Variants in RASEF observed in about 807,000 individuals in gnomAD.
RASEF encodes the protein ras and EF-hand domain-containing protein.
Under a neutral mutation model 90.1 loss-of-function variants are expected in RASEF, and 68 were observed. The ratio of observed to expected loss-of-function variants is 0.75; its 90% CI spans 0.62 to 0.92. RASEF has a LOEUF of 0.92. Ranked by LOEUF, RASEF falls within the 40% of genes least tolerant of loss-of-function variation. The pLI, the probability that RASEF is intolerant of heterozygous loss-of-function variation, is 0.00. For missense variants in RASEF, 949 were observed against 937.2 expected, an observed-to-expected ratio of 1.01 and a Z score of -0.16; for synonymous variants, 331 against 345.2, an observed-to-expected ratio of 0.96 and a Z score of 0.46.
the RASEF span, among the ~76,000 whole-genome samples, chr9:83,172,800 A>G: frequency 6.6e-6 from 1 of 151,920 alleles, no homozygotes; most frequent in African/African-American, 2.4e-5. Context: ...ATACATCACT[A>G]TTGTGGCATT....
chr9:83,211,276 T>C, the RASEF span, among the ~76,000 whole-genome samples: 1 of 152,204 alleles, frequency 6.6e-6, no homozygotes, highest in African/African-American at 2.4e-5. Context: ...TTATGGGTTT[T>C]TTTTTCTTTT....
chr9:83,030,140 T>A (rs917403912), intron 1 of RASEF, among the ~76,000 whole-genome samples: 2 of 152,168 alleles, frequency 1.3e-5, no homozygotes, highest in Admixed American at 6.5e-5. Context: ...GTAGATCACC[T>A]GAGGTCAGGA....
chr9:83,175,950 C>A, the RASEF span, among the ~76,000 whole-genome samples: 9 of 152,176 alleles, frequency 5.9e-5, no homozygotes, highest in African/African-American at 2.2e-4. Context: ...GAAATTTTTA[C>A]ATCTGCACTT....
At chr9:83,134,176 T>C in the RASEF span, among the ~76,000 whole-genome samples, 3 of 152,096 alleles carry the variant, frequency 2.0e-5, no homozygotes, top group African/African-American at 7.2e-5. Context: ...TTCTGATCCC[T>C]CTTCTCTCCC....
intron 2 of RASEF, among the ~76,000 whole-genome samples, chr9:83,023,657 G>C (rs997275386): frequency 1.3e-5 from 2 of 152,148 alleles, no homozygotes; most frequent in Admixed American, 6.5e-5. Context: ...ACCAAGCTTG[G>C]GAAGTCAGTT....
chr9:83,136,575 C>T, the RASEF span, among the ~76,000 whole-genome samples: 1 of 152,074 alleles, frequency 6.6e-6, no homozygotes, highest in East Asian at 1.9e-4. Flanking sequence ...AAATATGTAC[C>T]AATTCTACTA....
intron 1 of RASEF, among the ~76,000 whole-genome samples, chr9:83,045,125 T>C (rs891160094): frequency 1.3e-5 from 2 of 152,240 alleles, no homozygotes; most frequent in South Asian, 2.1e-4. Context: ...TAAAGAGATA[T>C]GTGTGTACAT....
At chr9:83,042,583 T>C (rs977333162) in intron 1 of RASEF, among the ~76,000 whole-genome samples, 1 of 151,944 alleles carries the variant, frequency 6.6e-6, no homozygotes, top group African/African-American at 2.4e-5. Flanking sequence ...ATCTCCAAAA[T>C]AAACAAAATT....
At chr9:83,046,119 T>C (rs147749319) in intron 1 of RASEF, among the ~76,000 whole-genome samples, 359 of 152,276 alleles carry the variant, frequency 2.4e-3, no homozygotes, top group African/African-American at 8.0e-3. Context: ...CAGGGGTACA[T>C]GTGCAGGTTT....
Position 83,004,519 on chromosome 9 carries a change from G to A in RASEF, c.1181C>T (p.Pro394Leu), listed in dbSNP as rs1326158797. The A allele has an allele frequency of 5.6e-6, 9 of 1,601,682 alleles. No homozygotes were observed. The highest frequency in any genetic ancestry group is 7.7e-6 in the Non-Finnish European group (9 of 1,168,734). Residue 394 changes from proline to leucine, a missense_variant, in exon 9 of 17, where the codon CCT becomes CTT. By Grantham distance (98) the Pro-to-Leu change is moderately conservative. This residue lies in a region of RASEF where 656 missense variants were observed against 592.2 expected (regional missense o/e 1.11). Coordinates refer to ENST00000376447, the MANE Select transcript of RASEF (RefSeq NM_152573.4). ...RSSPKFIGHS[P>L]QPLGYDRSSR... ...ATACCTGTCATAGCCTAGAGGTTGAGGGGAATGACCAATGAATTTGGGACT... is the reference window on the plus strand; with the variant it reads ...ATACCTGTCATAGCCTAGAGGTTGAAGGGAATGACCAATGAATTTGGGACT...
chr9:83,188,200 A>G, the RASEF span, among the ~76,000 whole-genome samples: 1 of 152,170 alleles, frequency 6.6e-6, no homozygotes, highest in African/African-American at 2.4e-5. Context: ...CTAGCATCTA[A>G]TTTACAGGTT....
At chr9:83,188,108 T>G in the RASEF span, among the ~76,000 whole-genome samples, 3 of 152,220 alleles carry the variant, frequency 2.0e-5, no homozygotes, top group Non-Finnish European at 4.4e-5. Flanking sequence ...CCATTATACT[T>G]GTGCCTCCAT....
At chr9:82,996,000 T>C (rs1367783202) in intron 14 of RASEF, among the ~76,000 whole-genome samples, 2 of 152,222 alleles carry the variant, frequency 1.3e-5, no homozygotes, top group Non-Finnish European at 2.9e-5. Flanking sequence ...AAATGTTACA[T>C]AAATGTAAAC....
At chr9:83,096,782 TCCACC>T in the RASEF span, among the ~76,000 whole-genome samples, 1 of 127,244 alleles carries the variant, frequency 7.9e-6, no homozygotes, top group Non-Finnish European at 1.6e-5. Flanking sequence ...CCCTCCCCCC[TCCACC>T]CACCCCACAA....
chr9:83,114,368 T>C, the RASEF span, among the ~76,000 whole-genome samples: 5 of 152,182 alleles, frequency 3.3e-5, no homozygotes, highest in Non-Finnish European at 7.3e-5. Context: ...CTCAGGACCC[T>C]GTGATGATTG....
chr9:83,138,162 C>T, the RASEF span, among the ~76,000 whole-genome samples: 3 of 152,006 alleles, frequency 2.0e-5, no homozygotes, highest in Non-Finnish European at 4.4e-5. Context: ...TGGTATGTTG[C>T]TTTTCTGCCT....
chr9:83,033,301 T>C (rs1387246891), intron 1 of RASEF, among the ~76,000 whole-genome samples: 1 of 152,168 alleles, frequency 6.6e-6, no homozygotes, highest in African/African-American at 2.4e-5. Flanking sequence ...CCTTCCTGCA[T>C]AAAGCTCACA....
At chr9:83,011,357 C>T (rs13302349) in intron 5 of RASEF, among the ~76,000 whole-genome samples, 79,153 of 151,486 alleles carry the variant, frequency 0.52, 20,892 homozygotes, top group East Asian at 0.73. Flanking sequence ...ATTGAGACCA[C>T]CCTGGCCAAC....
At chr9:83,109,633 T>C in the RASEF span, among the ~76,000 whole-genome samples, 78 of 152,326 alleles carry the variant, frequency 5.1e-4, no homozygotes, top group Non-Finnish European at 8.5e-4. Flanking sequence ...ACTGCCTTCA[T>C]AGCTGCTGTA....
Sources: allele counts gnomAD v4.1 joint callset (sites outside exome capture counted in the v4.1 genomes callset), GRCh38; gene constraint gnomAD v4.1.1; regional missense constraint gnomAD v4.1.1; transcripts MANE v1.5; gene names NCBI Gene and HGNC (gene_info 2026-07-23, HGNC 2026-07-21).